Variants in LHFPL3 observed in about 807,000 individuals in gnomAD.
LHFPL3 encodes LHFPL tetraspan subfamily member 3.
Under a neutral mutation model 19.3 loss-of-function variants are expected in LHFPL3, and 5 were observed. The ratio of observed to expected loss-of-function variants is 0.26; its 90% CI spans 0.14 to 0.54. The LOEUF is 0.54. LHFPL3 is among the 20% of genes least tolerant of loss of function. The pLI, the probability that LHFPL3 is intolerant of heterozygous loss-of-function variation, is 0.94. For synonymous variants in LHFPL3, 133 were observed against 126.2 expected (o/e 1.05, Z -0.36); for missense variants, 249 against 307.4 (o/e 0.81, Z 1.42).
intron 1 of LHFPL3, among the ~76,000 whole-genome samples, chr7:104,654,079 A>G (rs1228826638): frequency 6.6e-6 from 1 of 152,192 alleles, no homozygotes; most frequent in Non-Finnish European, 1.5e-5. Context: ...ACTTGCTTCC[A>G]AAGCAAAACC....
At chr7:104,736,621 A>C in intron 1 of LHFPL3, 54 bp from the exon 2 acceptor site, 1 of 1,215,974 alleles carries the variant, frequency 8.2e-7, no homozygotes, top group Admixed American at 2.1e-5. Context: ...GCTAAGTTAA[A>C]ATTTATTGAC....
intron 1 of LHFPL3, among the ~76,000 whole-genome samples, chr7:104,421,363 T>C (rs1307081954): frequency 6.6e-6 from 1 of 152,110 alleles, no homozygotes; most frequent in Admixed American, 6.5e-5. Flanking sequence ...ATGAGAGGCA[T>C]TGTGGCAGGA....
At chr7:104,740,469 T>C (rs1180972775) in intron 2 of LHFPL3, among the ~76,000 whole-genome samples, 1 of 152,206 alleles carries the variant, frequency 6.6e-6, no homozygotes, top group African/African-American at 2.4e-5. Flanking sequence ...CCCATTTATC[T>C]GGAAAGGCCA....
At chr7:104,873,801 G>A (rs763739516) in intron 2 of LHFPL3, among the ~76,000 whole-genome samples, 12 of 152,148 alleles carry the variant, frequency 7.9e-5, no homozygotes, top group Non-Finnish European at 1.6e-4. Flanking sequence ...GTTTGCCTTC[G>A]CAGAGTGGGA....
At chr7:104,421,719 G>A (rs2116534985) in intron 1 of LHFPL3, among the ~76,000 whole-genome samples, 1 of 152,298 alleles carries the variant, frequency 6.6e-6, no homozygotes, top group South Asian at 2.1e-4. Context: ...CCAAGATATG[G>A]AGGAAGAAGA....
rs893610992 is a variant in LHFPL3, at chr7:104,365,801, A to AAAAAAAAAAAG, written c.445+36581_445+36582insAAAAAAGAAAA. Among the ~76,000 whole-genome samples the AAAAAAAAAAAG allele has an allele frequency of 3.6e-4, 51 of 142,278 alleles. 1 individual carries two copies. Among genetic ancestry groups the AAAAAAAAAAAG allele is most frequent in the African/African-American group, 8.0e-4 (31 of 38,610 alleles). The allele number at this position is 142,278 out of a possible 152,430, so 93.3% of individuals were successfully genotyped here. The stretch of plus-strand genomic sequence containing the variant: ...AGACTCCGTCTCAAAAAAAAAAAAA[A>AAAAAAAAAAAG]AAAAGAAAAGCCTCTTTCCAGCTAG... On this transcript the variant is annotated intron_variant, in intron 1 of 2. Transcript: ENST00000424859.
chr7:104,665,147 C>T (rs1411634110), intron 1 of LHFPL3, among the ~76,000 whole-genome samples: 1 of 152,124 alleles, frequency 6.6e-6, no homozygotes, highest in African/African-American at 2.4e-5. Context: ...AACTGGTTTT[C>T]AAAATAGGTC....
intron 1 of LHFPL3, among the ~76,000 whole-genome samples, chr7:104,589,323 G>C (rs1360950727): frequency 1.3e-5 from 2 of 152,094 alleles, no homozygotes; most frequent in Admixed American, 6.6e-5. Context: ...TAGCATGAAG[G>C]GCTGTTGAAT....
In LHFPL3 at chr7:104,328,738, CGGAGGACCAGGA is replaced by C; in HGVS notation, c.-35_-24del. On this transcript the variant is annotated 5_prime_UTR_variant, in exon 1 of 3. Coordinates refer to ENST00000424859, the MANE Select transcript of LHFPL3 (RefSeq NM_199000.3). This position sits in a 1 kb window ranked among gnomAD's most constrained non-coding sequence, Gnocchi z 4.6. The stretch of plus-strand genomic sequence containing the variant: ...CTGCGCGCTGAGAGGCGGGGGGAGG[CGGAGGACCAGGA>C]GGAGGAGGAGGAGGAGGAGGAGGGG... 1 of 1,497,706 alleles carries C rather than the reference CGGAGGACCAGGA, an allele frequency of 6.7e-7. No individual in the cohort carries two copies. 92.8% of individuals were successfully genotyped at this position (1,497,706 alleles called of 1,614,324 possible). A position where few individuals can be genotyped will look rare whatever the true frequency, so the allele number is the denominator to read the frequency against.
intron 1 of LHFPL3, among the ~76,000 whole-genome samples, chr7:104,376,765 G>C (rs1394067948): frequency 6.6e-6 from 1 of 152,092 alleles, no homozygotes; most frequent in Non-Finnish European, 1.5e-5. Flanking sequence ...ACTCCTCCTT[G>C]CCCTTGCCAG....
chr7:104,649,188 T>C (rs971377279), intron 1 of LHFPL3, among the ~76,000 whole-genome samples: 1 of 152,094 alleles, frequency 6.6e-6, no homozygotes, highest in Non-Finnish European at 1.5e-5. Flanking sequence ...GGGAAAGGCA[T>C]TGAGATGGAT....
intron 2 of LHFPL3, chr7:104,894,629 A>C (rs1195641078): frequency 6.6e-6 from 1 of 152,230 alleles, no homozygotes; most frequent in Non-Finnish European, 1.5e-5. Context: ...GCACTAAGAA[A>C]GTGTATGAAT....
At position 104,829,156 on chromosome 7, in the gene LHFPL3, C is replaced by T. The variant is rs150463063; in HGVS notation, c.683-77031C>T. 6.9e-3 allele frequency among the ~76,000 whole-genome samples: 1,046 copies of T among 151,942 alleles called. 10 individuals are homozygous for T. The highest frequency in any genetic ancestry group is 0.013 in the Non-Finnish European group (861 of 67,988). On this transcript the variant is annotated intron_variant, in intron 2 of 2. Transcript: ENST00000424859. ...GCCCTCACTCCCAGGGGAAACAGCA[C>T]ACCCCCATTAAGAGCCTCCCATGAG...
intron 1 of LHFPL3, among the ~76,000 whole-genome samples, chr7:104,732,469 A>T (rs1332406250): frequency 6.6e-6 from 1 of 152,210 alleles, no homozygotes; most frequent in Non-Finnish European, 1.5e-5. Context: ...GTATATGTCC[A>T]GGAATTTATC....
At chr7:104,478,382 G>C (rs1339119542) in intron 1 of LHFPL3, among the ~76,000 whole-genome samples, 1 of 152,052 alleles carries the variant, frequency 6.6e-6, no homozygotes, top group Non-Finnish European at 1.5e-5. Flanking sequence ...CATGGACTTT[G>C]GGGGCTCTTG....
chr7:104,739,942 C>A (rs535876251), intron 2 of LHFPL3, among the ~76,000 whole-genome samples: 2 of 152,284 alleles, frequency 1.3e-5, no homozygotes, highest in African/African-American at 4.8e-5. Context: ...ATTGAAATCT[C>A]ATCTTAAATT....
intron 1 of LHFPL3, among the ~76,000 whole-genome samples, chr7:104,688,934 T>C (rs1440958889): frequency 2.6e-5 from 4 of 152,146 alleles, no homozygotes; most frequent in Non-Finnish European, 5.9e-5. Flanking sequence ...TTTATTGATA[T>C]GGGCCCACTA....
chr7:104,394,769 C>T (rs1791148540), intron 1 of LHFPL3, among the ~76,000 whole-genome samples: 1 of 151,698 alleles, frequency 6.6e-6, no homozygotes, highest in Non-Finnish European at 1.5e-5. Flanking sequence ...AACACAATCT[C>T]AGCTGATTGC....
At chr7:104,689,560 G>A (rs113273114) in intron 1 of LHFPL3, among the ~76,000 whole-genome samples, 1 of 152,094 alleles carries the variant, frequency 6.6e-6, no homozygotes. Flanking sequence ...GGGGACACTG[G>A]GTCCCCTTAA....
Sources: allele counts gnomAD v4.1 joint callset (sites outside exome capture counted in the v4.1 genomes callset), GRCh38; gene constraint gnomAD v4.1.1; non-coding constraint Gnocchi (gnomAD v3.1); transcripts MANE v1.5; gene names NCBI Gene and HGNC (gene_info 2026-07-23, HGNC 2026-07-21).